ZNF333: variants seen among roughly 807,000 people sequenced by gnomAD.
The protein encoded by ZNF333 is zinc finger protein 333.
A neutral mutation model predicts 76.1 loss-of-function variants in ZNF333; 61 were observed. The ratio of observed to expected loss-of-function variants is 0.80; its 90% confidence interval spans 0.65 to 0.99. ZNF333 has a LOEUF of 0.99. ZNF333 is among the 50% of genes least tolerant of loss of function. The pLI is 0.00. For synonymous variants in ZNF333, 284 were observed against 305.0 expected, an observed-to-expected ratio of 0.93 and a Z score of 0.72; for missense variants, 717 against 822.4, an observed-to-expected ratio of 0.87 and a Z score of 1.57.
At chr19:14,695,240 C>T (rs1226503526) in intron 3 of ZNF333, 107 bp downstream of exon 3, 8 of 1,421,594 alleles carry the variant, frequency 5.6e-6, no homozygotes, top group South Asian at 2.8e-5. Flanking sequence ...TGGCACTTAG[C>T]GTCCACAGGA....
At chr19:14,729,655 T>C (rs1190395415) in intron 11 of ZNF333, among the ~76,000 whole-genome samples, 2 of 152,110 alleles carry the variant, frequency 1.3e-5, no homozygotes, top group Admixed American at 6.5e-5. Context: ...CCCGGTGGGA[T>C]ACAAATTTCA....
Position 14,706,693 on chromosome 19 carries a change from A to G in ZNF333, c.431A>G (p.Lys144Arg). The G allele has an allele frequency of 6.2e-7, 1 of 1,614,128 alleles. No individual in the cohort carries two copies. Among genetic ancestry groups the G allele is most frequent in the Non-Finnish European group, 8.5e-7 (1 of 1,180,000 alleles). Residue 144 changes from lysine to arginine, a missense_variant, in exon 7 of 12, where the codon AAG becomes AGG. Lys to Arg is a conservative substitution (Grantham distance 26). Transcript: ENST00000292530. ...CCCTGTCACTCTGTCCAGGGACTGAAGGCCGCTATGCAGATTCAGAGGGTG... is the reference window on the plus strand; with the variant it reads ...CCCTGTCACTCTGTCCAGGGACTGAGGGCCGCTATGCAGATTCAGAGGGTG... The part of the protein sequence containing the change: ...PPWSLGCTGL[K>R]AAMQIQRVVI...
Position 14,721,074 on chromosome 19 carries a change from G to C in ZNF333, c.*1749G>C. The C allele has an allele frequency of 1.6e-6, 1 of 642,214 alleles. No individual in the cohort carries two copies. Among genetic ancestry groups the C allele is most frequent in the Non-Finnish European group, 1.9e-6 (1 of 517,352 alleles). 39.8% of individuals were successfully genotyped at this position (642,214 alleles called of 1,614,324 possible). A position where few individuals can be genotyped will look rare whatever the true frequency, so the allele number is the denominator to read the frequency against. On this transcript the variant is annotated 3_prime_UTR_variant, in exon 12 of 12. Coordinates refer to ENST00000292530, the MANE Select transcript of ZNF333 (RefSeq NM_032433.4). ...ATTTAGAGTTTACTATTAATAGATA[G>C]TAGCCACTGCCTGAAGCTTTGCATC...
downstream of ZNF333, among the ~76,000 whole-genome samples, chr19:14,726,379 A>G (rs962955195): frequency 6.6e-6 from 1 of 152,158 alleles, no homozygotes; most frequent in Admixed American, 6.5e-5. Flanking sequence ...GGATCTTAGC[A>G]CTTGGCTCCC....
At chr19:14,696,801 C>T (rs980734311) in intron 4 of ZNF333, among the ~76,000 whole-genome samples, 33 of 135,246 alleles carry the variant, frequency 2.4e-4, no homozygotes, top group Non-Finnish European at 2.9e-4. Flanking sequence ...TGCAGTGGTA[C>T]GATCTCGGCT....
At chr19:14,693,828 C>T (rs1233204957) in intron 2 of ZNF333, among the ~76,000 whole-genome samples, 2 of 151,820 alleles carry the variant, frequency 1.3e-5, no homozygotes, top group Non-Finnish European at 2.9e-5. Context: ...AGATTCAGTA[C>T]ATTTAGCCGG....
chr19:14,697,877 A>C (rs1173588118), intron 4 of ZNF333, among the ~76,000 whole-genome samples: 7 of 151,994 alleles, frequency 4.6e-5, no homozygotes, highest in Admixed American at 4.6e-4. Context: ...TTCCTCTTTA[A>C]ATTTAACCTT....
chr19:14,714,128 T>C (rs910522020), intron 7 of ZNF333, among the ~76,000 whole-genome samples: 5 of 151,098 alleles, frequency 3.3e-5, no homozygotes, highest in African/African-American at 1.2e-4. Context: ...AGATAGCCCA[T>C]GATAGGGAAT....
intron 1 of ZNF333, among the ~76,000 whole-genome samples, chr19:14,692,627 C>G (rs573886846): frequency 6.6e-6 from 1 of 152,244 alleles, no homozygotes; most frequent in African/African-American, 2.4e-5. Context: ...ATTTTCTGGC[C>G]TCAGCTTCCT....
At chr19:14,717,539 C>T in intron 10 of ZNF333, 118 bp from the exon 11 acceptor site, 1 of 811,214 alleles carries the variant, frequency 1.2e-6, no homozygotes, top group Non-Finnish European at 2.1e-6. Flanking sequence ...TCTTCCCGTA[C>T]ATAGGACCAG....
chr19:14,726,755 T>C (rs1042353926), downstream of ZNF333, among the ~76,000 whole-genome samples: 5 of 152,284 alleles, frequency 3.3e-5, no homozygotes, highest in African/African-American at 1.2e-4. Context: ...CAGTTCCCAG[T>C]AAGTTCCTCA....
In ZNF333 at chr19:14,699,109, T is replaced by C. The variant is rs1973492871; in HGVS notation, c.224-90T>C. ...AGCCTATGTGTGTATAGTGTGTATA[T>C]ATATTCACATATATATGTGAATATA... On this transcript the variant is annotated intron_variant, in intron 4 of 11. Coordinates refer to ENST00000292530, the MANE Select transcript of ZNF333 (RefSeq NM_032433.4). 6.1e-6 allele frequency: 6 copies of C among 976,084 alleles called. No individual in the cohort carries two copies. The Admixed American group carries it at 1.0e-4, about 17-fold the overall frequency. 60.5% of individuals were successfully genotyped at this position (976,084 alleles called of 1,614,324 possible). A position where few individuals can be genotyped will look rare whatever the true frequency, so the allele number is the denominator to read the frequency against.
chr19:14,717,832 A>C, intron 11 of ZNF333, 99 bp downstream of exon 11: 1 of 1,216,116 alleles, frequency 8.2e-7, no homozygotes, highest in Non-Finnish European at 1.2e-6. Context: ...GAGCGATTCG[A>C]GGCAAGAAGT....
At chr19:14,692,500 T>C (rs907177244) in intron 1 of ZNF333, among the ~76,000 whole-genome samples, 2 of 143,914 alleles carry the variant, frequency 1.4e-5, no homozygotes, top group African/African-American at 5.4e-5. Context: ...ATGGTTAGCA[T>C]TGGATCTTCT....
intron 9 of ZNF333, 152 bp from the exon 10 acceptor site, chr19:14,716,842 T>G: frequency 1.6e-6 from 1 of 622,774 alleles, no homozygotes; most frequent in Non-Finnish European, 2.7e-6. Context: ...ATTTAGTTGC[T>G]CAGTGGAAGA....
chr19:14,727,028 T>G (rs2042636993), intron 11 of ZNF333, among the ~76,000 whole-genome samples: 1 of 62,424 alleles, frequency 1.6e-5, no homozygotes, highest in South Asian at 8.9e-4. Context: ...AAGAGGCTTT[T>G]TTTTTTTTTT....
In ZNF333 at chr19:14,701,468, AT is replaced by A. The variant is rs1477342695; in HGVS notation, c.306+2189del. ...GTTGTGCAGGCTCCCATTGCAGGGCATTCTGTGTGTCATGTAGCCCCCAGTG... is the reference window on the plus strand; with the variant it reads ...GTTGTGCAGGCTCCCATTGCAGGGCATCTGTGTGTCATGTAGCCCCCAGTG... On this transcript the variant is annotated intron_variant, in intron 5 of 11. Transcript: ENST00000292530. The A allele has an allele frequency of 1.2e-5, 7 of 589,684 alleles. No homozygotes were observed. The African/African-American group carries it at 1.4e-4, about 12-fold the overall frequency. The allele number at this position is 589,684 out of a possible 1,614,324, so 36.5% of individuals were successfully genotyped here.
intron 1 of ZNF333, among the ~76,000 whole-genome samples, chr19:14,691,802 A>G (rs1169143764): frequency 6.7e-6 from 1 of 148,766 alleles, no homozygotes. Context: ...TCAGCTTCCC[A>G]GGCAGCTGTG....
At chr19:14,698,935 T>TATATATATAGATAGATATATATAC (rs1180611568) in intron 4 of ZNF333, among the ~76,000 whole-genome samples, 38 of 139,338 alleles carry the variant, frequency 2.7e-4, no homozygotes, top group South Asian at 4.5e-4. Context: ...TATATATATA[T>TATATATATAGATAGATATATATAC]ACACACATAT....
Sources: gnomAD v4.1 joint callset for allele counts (sites outside exome capture counted in the v4.1 genomes callset) on GRCh38, gnomAD v4.1.1 for gene constraint, MANE v1.5 for transcripts, NCBI Gene and HGNC (gene_info 2026-07-23, HGNC 2026-07-21) for gene names.